The following CCNF variants were observed in gnomAD, a reference collection of about 807,000 sequenced individuals.
CCNF encodes cyclin F.
CCNF carries 30 observed loss-of-function variants against 85.4 expected under a neutral mutation model. The observed-to-expected ratio is 0.35, with a 90% CI of 0.26 to 0.48. The LOEUF is 0.48. Ranked by LOEUF, CCNF falls within the 20% of genes least tolerant of loss-of-function variation. The probability of loss-of-function intolerance (pLI) is 0.99; values close to 1 mark genes in which losing one functional copy is unlikely to be tolerated. For missense variants in CCNF, 919 were observed against 1,010.4 expected (o/e 0.91, Z 1.23); for synonymous variants, 439 against 425.1 (o/e 1.03, Z -0.40).
In CCNF at chr16:2,456,699, C is replaced by T. The variant is rs2065429759; in HGVS notation, c.2040C>T (p.Thr680=). ...CGCTGGACACCCAGATCCCTGCAAC[C>T]CCTGGACCCAAACCCCTGGTCCGCA... The part of the protein sequence containing the change: ...ALALDTQIPA[T]PGPKPLVRTS... Residue 680 remains threonine, a synonymous_variant, in exon 17 of 17, where the codon ACC becomes ACT. Coordinates refer to ENST00000397066, the MANE Select transcript of CCNF (RefSeq NM_001761.3). The surrounding 1 kb of genome is among the most constrained non-coding windows in gnomAD (Gnocchi z 4.5). 4.3e-6 allele frequency: 7 copies of T among 1,613,310 alleles called. No individual in the cohort carries two copies. Among genetic ancestry groups the T allele is most frequent in the Non-Finnish European group, 5.9e-6 (7 of 1,179,804 alleles).
chr16:2,445,759 G>T (rs1390870684), intron 10 of CCNF, 137 bp downstream of exon 10: 4 of 796,142 alleles, frequency 5.0e-6, no homozygotes, highest in Non-Finnish European at 7.5e-6. Context: ...ACCAAGTCTC[G>T]CTCTGTCACC....
intron 4 of CCNF, 26 bp from the exon 5 acceptor site, chr16:2,437,103 G>A: frequency 6.5e-7 from 1 of 1,529,440 alleles, no homozygotes; most frequent in Non-Finnish European, 8.9e-7. Flanking sequence ...AGACATCCCT[G>A]GGCTCTGTCC....
In CCNF at chr16:2,453,283, C is replaced by A; in HGVS notation, c.1561C>A (p.Arg521Ser). The change falls in exon 14 of 17, where the codon CGC becomes AGC. Residue 521 changes from arginine to serine, a missense_variant. Physicochemically the swap from Arg to Ser is moderately radical, Grantham distance 110. Around this residue, in one of 3 missense-constraint regions of CCNF, gnomAD observed 505 missense variants for 514.8 expected, o/e 0.98. Transcript: ENST00000397066. This position sits in a 1 kb window ranked among gnomAD's most constrained non-coding sequence, Gnocchi z 5.6. ...CGTGAAGCAGCGGTTTGAGGACAAG[C>A]GCTATGGAGAAATCAGCCAGGAAGA... ...TAVKQRFEDK[R>S]YGEISQEEVL... 6.2e-7 allele frequency: 1 copy of A among 1,613,886 alleles called. No homozygotes were observed. The highest frequency in any genetic ancestry group is 1.1e-5 in the South Asian group (1 of 91,086).
intron 10 of CCNF, among the ~76,000 whole-genome samples, chr16:2,446,407 A>G (rs994191306): frequency 2.0e-5 from 3 of 152,236 alleles, no homozygotes; most frequent in African/African-American, 7.2e-5. Flanking sequence ...CACTCCAGCC[A>G]CGTGGGTGTC....
In CCNF at chr16:2,437,144, A is replaced by G; in HGVS notation, c.362A>G (p.Glu121Gly). The G allele has an allele frequency of 6.3e-7, 1 of 1,595,642 alleles. No homozygotes were observed. The highest frequency in any genetic ancestry group is 2.3e-5 in the East Asian group (1 of 44,302). The change falls in exon 5 of 17, where the codon GAG becomes GGG. Residue 121 changes from glutamate (E) to glycine (G), a missense_variant. Around this residue, in one of 3 missense-constraint regions of CCNF, gnomAD observed 410 missense variants for 478.6 expected, o/e 0.86. Coordinates refer to ENST00000397066, the MANE Select transcript of CCNF (RefSeq NM_001761.3). ...GTCCCCGCAGTGTCTGTGTCTGATG[A>G]GGCCCGCGCAGAAGTGAATGGCCTG... The part of the protein sequence containing the change: ...LYNEGLSVSD[E>G]ARAEVNGLKA...
In CCNF at chr16:2,458,781, T is replaced by C. The variant is rs1447498330; in HGVS notation, c.*1761T>C. 1.3e-5 allele frequency: 2 copies of C among 152,298 alleles called. No individual in the cohort carries two copies. Among genetic ancestry groups the C allele is most frequent in the African/African-American group, 2.4e-5 (1 of 41,416 alleles). 9.4% of individuals were successfully genotyped at this position (152,298 alleles called of 1,614,324 possible). Reference sequence around the variant, plus strand: ...TGGGCATGTGTGAGCCTCAGTTTCCTCATCTGTAAGGGGGGCAATGATACC... The same window carrying C: ...TGGGCATGTGTGAGCCTCAGTTTCCCCATCTGTAAGGGGGGCAATGATACC... On this transcript the variant is annotated 3_prime_UTR_variant, in exon 17 of 17. Coordinates refer to ENST00000397066, the MANE Select transcript of CCNF (RefSeq NM_001761.3).
At position 2,449,405 on chromosome 16, in the gene CCNF, G is replaced by T. The variant is rs762484860; in HGVS notation, c.1342G>T (p.Ala448Ser). The T allele has an allele frequency of 4.3e-6, 7 of 1,611,148 alleles. No homozygotes were observed. In the Admixed American group the frequency reaches 1.2e-4, roughly 27 times the overall value. ...GCTGCACACCAGCCTGTCCGCCTAC[G>T]CCCCAGCCCGCCTGGCTGCCGCAGC... Reference protein sequence around the residue: ...SLLHTSLSAYAPARLAAAALL... With the variant: ...SLLHTSLSAYSPARLAAAALL... Residue 448 changes from alanine (A) to serine (S), a missense_variant, in exon 12 of 17, where the codon GCC (alanine) becomes TCC (serine). Around this residue, in one of 3 missense-constraint regions of CCNF, gnomAD observed 505 missense variants for 514.8 expected, o/e 0.98. Coordinates refer to ENST00000397066, the MANE Select transcript of CCNF (RefSeq NM_001761.3).
intron 5 of CCNF, 100 bp downstream of exon 5, chr16:2,437,422 C>A: frequency 1.2e-6 from 1 of 823,298 alleles, no homozygotes; most frequent in Admixed American, 3.1e-5. Context: ...AAGTCAGGAG[C>A]CTAAGGGAAG....
rs553453842 is a variant in CCNF, at chr16:2,457,399, G to A, written c.*379G>A. On this transcript the variant is annotated 3_prime_UTR_variant, in exon 17 of 17. Coordinates refer to ENST00000397066, the MANE Select transcript of CCNF (RefSeq NM_001761.3). ...GACAGCTTTCACGCTTAAGGCACGT[G>A]TGACCTGGGTAGTCAGACACCACTT... The A allele has an allele frequency of 5.8e-6, 1 of 173,546 alleles. No individual in the cohort carries two copies. Among genetic ancestry groups the A allele is most frequent in the East Asian group, 1.7e-4 (1 of 5,972 alleles). The allele number at this position is 173,546 out of a possible 1,614,324, so 10.8% of individuals were successfully genotyped here.
chr16:2,439,851 TG>T, intron 8 of CCNF, 25 bp downstream of exon 8: 1 of 1,601,776 alleles, frequency 6.2e-7, no homozygotes. Context: ...TGGGATGACG[TG>T]GGGAGCTGGC....
intron 11 of CCNF, 64 bp downstream of exon 11, chr16:2,449,042 G>GC: frequency 5.9e-6 from 4 of 683,612 alleles, no homozygotes; most frequent in Non-Finnish European, 1.1e-5. Context: ...GTGGGGGTGG[G>GC]CATTCAGCTT....
rs1398427113 is a variant in CCNF at position 2,455,562 on chromosome 16, A to G, written c.1883A>G (p.Asp628Gly). 6.3e-7 allele frequency: 1 copy of G among 1,592,818 alleles called. No individual in the cohort carries two copies. Among genetic ancestry groups the G allele is most frequent in the African/African-American group, 1.3e-5 (1 of 74,544 alleles). ...DQESEGEKEG[D>G]VTAPSGILDV... ...GAGAGTGAGGGCGAGAAGGAGGGCG[A>G]CGGTGAGTGTGGGGCCAGGGTGCAC... is the stretch of plus-strand genomic sequence containing the variant. Residue 628 changes from aspartate (D) to glycine (G), a missense_variant and splice_region_variant, in exon 16 of 17, where the codon GAC becomes GGC. Physicochemically the swap from Asp to Gly is moderately conservative, Grantham distance 94. This residue lies in a region of CCNF where 505 missense variants were observed against 514.8 expected (regional missense o/e 0.98). Transcript: ENST00000397066.
In CCNF at chr16:2,451,911, C is replaced by T. The variant is rs900762280; in HGVS notation, c.1488-1299C>T. Among the ~76,000 whole-genome samples, 1 of 152,238 alleles carries T rather than the reference C, an allele frequency of 6.6e-6. No homozygotes were observed. The highest frequency in any genetic ancestry group is 1.5e-5 in the Non-Finnish European group (1 of 68,044). ...TCCAGAATTCAGGCCACATCTCAAC[C>T]TTGACCTGCCACCCCCCTGCCAGCG... On this transcript the variant is annotated intron_variant, in intron 13 of 16. Transcript: ENST00000397066. The surrounding 1 kb of genome is among the most constrained non-coding windows in gnomAD (Gnocchi z 4.3).
In CCNF at chr16:2,451,646, G is replaced by A. The variant is rs2065395812; in HGVS notation, c.1488-1564G>A. Among the ~76,000 whole-genome samples, 1 of 152,132 alleles carries A rather than the reference G, an allele frequency of 6.6e-6. No individual in the cohort carries two copies. The highest frequency in any genetic ancestry group is 2.1e-4 in the South Asian group (1 of 4,820). On this transcript the variant is annotated intron_variant, in intron 13 of 16. Transcript: ENST00000397066. The surrounding 1 kb of genome is among the most constrained non-coding windows in gnomAD (Gnocchi z 4.3). ...GCTCACTGCAGCCCTGACCTCCCGG[G>A]CTCAAGGGATTCTTTTGTGTCAGCC...
At position 2,448,848 on chromosome 16, in the gene CCNF, G is replaced by A. The variant is rs28670436; in HGVS notation, c.1095-7G>A. ...CTCCACCCTGAGACCCCTTCTCGGC[G>A]TTGCAGGTTTATCAGTAAAGAGATC... is the stretch of plus-strand genomic sequence containing the variant. On this transcript the variant is annotated splice_region_variant and splice_polypyrimidine_tract_variant and intron_variant, in intron 10 of 16. Coordinates refer to ENST00000397066, the MANE Select transcript of CCNF (RefSeq NM_001761.3). 1,109,858 of 1,610,222 alleles carry A rather than the reference G, an allele frequency of 0.69. 384,976 individuals carry two copies. Among genetic ancestry groups the A allele is most frequent in the East Asian group, 0.86 (38,738 of 44,816 alleles).
At position 2,456,954 on chromosome 16, in the gene CCNF, G is replaced by A. The variant is rs1048325887; in HGVS notation, c.2295G>A (p.Val765=). ...PPESSVPQQQ[V]KRINLCIHSE... The stretch of plus-strand genomic sequence containing the variant: ...AGAGCAGTGTTCCCCAGCAACAGGT[G>A]AAGCGGATAAACCTATGCATACACA... The change falls in exon 17 of 17, where the codon GTG becomes GTA. Residue 765 remains valine, a synonymous_variant. Coordinates refer to ENST00000397066, the MANE Select transcript of CCNF (RefSeq NM_001761.3). The surrounding 1 kb of genome is among the most constrained non-coding windows in gnomAD (Gnocchi z 4.5). 6.2e-7 allele frequency: 1 copy of A among 1,613,176 alleles called. No homozygotes were observed. The highest frequency in any genetic ancestry group is 8.5e-7 in the Non-Finnish European group (1 of 1,179,600).
At chr16:2,449,033 T>C (rs11639853) in intron 11 of CCNF, 55 bp downstream of exon 11, 1 of 785,352 alleles carries the variant, frequency 1.3e-6, no homozygotes, top group Non-Finnish European at 2.2e-6. Flanking sequence ...TGCTGGAGGG[T>C]GGGGGTGGGC....
Position 2,453,526 on chromosome 16 carries a change from G to A in CCNF, c.1704G>A (p.Arg568=), listed in dbSNP as rs2065407072. The A allele has an allele frequency of 6.2e-7, 1 of 1,613,874 alleles. No individual in the cohort carries two copies. The highest frequency in any genetic ancestry group is 1.3e-5 in the African/African-American group (1 of 74,914). Residue 568 remains arginine (R), a synonymous_variant, in exon 15 of 17, where the codon CGG becomes CGA. Transcript: ENST00000397066. This position sits in a 1 kb window ranked among gnomAD's most constrained non-coding sequence, Gnocchi z 5.6. Reference sequence around the variant, plus strand: ...CCTTCCTCAGCTCTCCCTCGGGGCGGAGAACCAAACGGTTAGTTACCCTGC... The same window carrying A: ...CCTTCCTCAGCTCTCCCTCGGGGCGAAGAACCAAACGGTTAGTTACCCTGC... ...IHAFLSSPSG[R]RTKRKRENSL... is the part of the protein sequence containing the mutation.
Position 2,450,336 on chromosome 16 carries a change from T to TAAAA in CCNF, c.1487+443_1487+446dup, listed in dbSNP as rs869044588. On this transcript the variant is annotated intron_variant, in intron 13 of 16. Coordinates refer to ENST00000397066, the MANE Select transcript of CCNF (RefSeq NM_001761.3). Reference sequence around the variant, plus strand: ...CAACGTGGCAAAACCCTGTCTCTACTAAAAAAAAAAAAAAAAAAAAAAAAA... The same window carrying TAAAA: ...CAACGTGGCAAAACCCTGTCTCTACTAAAAAAAAAAAAAAAAAAAAAAAAAAAAA... 2.9e-3 allele frequency among the ~76,000 whole-genome samples: 194 copies of TAAAA among 65,900 alleles called. 8 individuals are homozygous for TAAAA. The highest frequency in any genetic ancestry group is 0.012 in the African/African-American group (168 of 14,048). 43.2% of individuals were successfully genotyped at this position (65,900 alleles called of 152,430 possible).
Sources: gnomAD v4.1 joint callset for allele counts (sites outside exome capture counted in the v4.1 genomes callset) on GRCh38, gnomAD v4.1.1 for gene constraint, gnomAD v4.1.1 regional missense constraint, Gnocchi (gnomAD v3.1) non-coding constraint, MANE v1.5 for transcripts, NCBI Gene and HGNC (gene_info 2026-07-23, HGNC 2026-07-21) for gene names.